CSMD1: variants seen among roughly 807,000 people sequenced by gnomAD.
CSMD1 encodes CUB and Sushi multiple domains 1, also known as CUB and sushi domain-containing protein 1.
In CSMD1, 213 loss-of-function variants were observed where a neutral mutation model predicts 417.5. That is an observed-to-expected ratio of 0.51 (90% CI 0.46 to 0.57). CSMD1 has a LOEUF of 0.57. Ranked by LOEUF, CSMD1 falls within the 20% of genes least tolerant of loss-of-function variation. CSMD1 has a pLI of 0.00. For missense variants in CSMD1, 6,923 were observed against 4,529.7 expected (o/e 1.53, Z -15.17); for synonymous variants, 2,862 against 1,736.8 (o/e 1.65, Z -16.11).
intron 5 of CSMD1, among the ~76,000 whole-genome samples, chr8:3,831,305 A>G (rs1208749432): frequency 2.6e-5 from 4 of 152,174 alleles, no homozygotes; most frequent in African/African-American, 9.7e-5. Context: ...GAGCTGTGGC[A>G]TGTTGCATTT....
chr8:3,425,927 T>A (rs1190178999), intron 12 of CSMD1, among the ~76,000 whole-genome samples: 1 of 152,126 alleles, frequency 6.6e-6, no homozygotes, highest in South Asian at 2.1e-4. Flanking sequence ...GGAATCTGCA[T>A]TGTATTTCCC....
At chr8:3,343,924 C>A (rs1471112335) in intron 22 of CSMD1, among the ~76,000 whole-genome samples, 1 of 152,146 alleles carries the variant, frequency 6.6e-6, no homozygotes, top group Non-Finnish European at 1.5e-5. Flanking sequence ...ACAAGATGTG[C>A]CGGAATCTTG....
intron 1 of CSMD1, among the ~76,000 whole-genome samples, chr8:4,810,318 C>A (rs946540520): frequency 2.0e-5 from 3 of 150,380 alleles, no homozygotes; most frequent in African/African-American, 7.5e-5. Context: ...TGTTCCTCAA[C>A]TTATTTTTCT....
chr8:3,773,653 T>C (rs1334752568), intron 5 of CSMD1, among the ~76,000 whole-genome samples: 1 of 152,184 alleles, frequency 6.6e-6, no homozygotes, highest in Non-Finnish European at 1.5e-5. Context: ...TATTCAATTT[T>C]GGCCTTATTC....
chr8:3,306,192 T>A (rs968701609), intron 25 of CSMD1, among the ~76,000 whole-genome samples: 1 of 152,246 alleles, frequency 6.6e-6, no homozygotes, highest in South Asian at 2.1e-4. Context: ...GATATCTATG[T>A]GTAATACACA....
chr8:3,822,012 T>C (rs1229940449), intron 5 of CSMD1, among the ~76,000 whole-genome samples: 2 of 152,200 alleles, frequency 1.3e-5, no homozygotes, highest in Non-Finnish European at 2.9e-5. Flanking sequence ...AACTTCTGCA[T>C]CACAGTTCCT....
chr8:4,006,222 T>C (rs1030660810), intron 4 of CSMD1, among the ~76,000 whole-genome samples: 1 of 152,132 alleles, frequency 6.6e-6, no homozygotes, highest in Non-Finnish European at 1.5e-5. Flanking sequence ...GACAGAAATA[T>C]ATTGACTTTG....
chr8:4,243,137 T>C (rs915502673), intron 3 of CSMD1, among the ~76,000 whole-genome samples: 2 of 151,830 alleles, frequency 1.3e-5, no homozygotes, highest in Non-Finnish European at 2.9e-5. Flanking sequence ...AATTGAGCAG[T>C]TGGAAAAAGG....
chr8:4,920,985 A>G (rs1211057654), intron 1 of CSMD1, among the ~76,000 whole-genome samples: 5 of 59,324 alleles, frequency 8.4e-5, no homozygotes, highest in African/African-American at 3.3e-4. Context: ...AAAGAAACAA[A>G]GAAAGAAAGA....
intron 7 of CSMD1, among the ~76,000 whole-genome samples, chr8:3,632,876 G>A (rs1013453587): frequency 6.6e-6 from 1 of 152,138 alleles, no homozygotes; most frequent in African/African-American, 2.4e-5. Flanking sequence ...TTTTAAGAAG[G>A]AAGTTCTCTG....
At chr8:3,477,135 G>A (rs35846215) in intron 11 of CSMD1, among the ~76,000 whole-genome samples, 93,135 of 151,990 alleles carry the variant, frequency 0.61, 29,273 homozygotes, top group Middle Eastern at 0.74. Context: ...AATTTGTTCA[G>A]ACCTGAAGAA....
intron 23 of CSMD1, among the ~76,000 whole-genome samples, chr8:3,341,337 A>G (rs1384081476): frequency 6.6e-6 from 1 of 152,206 alleles, no homozygotes; most frequent in Non-Finnish European, 1.5e-5. Context: ...GTATCCCTAC[A>G]TTGATTCCAA....
At chr8:4,593,688 T>G (rs1800108372) in intron 2 of CSMD1, among the ~76,000 whole-genome samples, 1 of 152,194 alleles carries the variant, frequency 6.6e-6, no homozygotes, top group Non-Finnish European at 1.5e-5. Flanking sequence ...ACTACTTCCA[T>G]GTAATAAGCA....
At position 4,051,624 on chromosome 8, in the gene CSMD1, T is replaced by C. The variant is rs180942150; in HGVS notation, c.416-19525A>G. On this transcript the variant is annotated intron_variant, in intron 3 of 69. Coordinates refer to ENST00000635120, the MANE Select transcript of CSMD1 (RefSeq NM_033225.6). Reference sequence around the variant, plus strand: ...GCACAGCGGGGCTTGTAGGTTTCTGTGGGGCCCTAGAAAACTATGATAAAA... The same window carrying C: ...GCACAGCGGGGCTTGTAGGTTTCTGCGGGGCCCTAGAAAACTATGATAAAA... Among the ~76,000 whole-genome samples the C allele has an allele frequency of 1.3e-3, 196 of 152,272 alleles. 1 individual carries two copies. Among genetic ancestry groups the C allele is most frequent in the African/African-American group, 4.6e-3 (190 of 41,556 alleles).
chr8:4,976,137 C>A (rs114424744), intron 1 of CSMD1, among the ~76,000 whole-genome samples: 78 of 152,248 alleles, frequency 5.1e-4, no homozygotes, highest in Middle Eastern at 3.4e-3. Context: ...AAGGGAAGAA[C>A]AGACACTGGA....
At chr8:4,500,810 G>A (rs539437067) in intron 2 of CSMD1, among the ~76,000 whole-genome samples, 28 of 152,194 alleles carry the variant, frequency 1.8e-4, no homozygotes, top group African/African-American at 6.3e-4. Flanking sequence ...GTTGACTTAC[G>A]GAAAACATGG....
chr8:3,362,561 A>C (rs759093377), intron 20 of CSMD1, among the ~76,000 whole-genome samples: 1 of 152,200 alleles, frequency 6.6e-6, no homozygotes, highest in Non-Finnish European at 1.5e-5. Context: ...ATGTGTTGAA[A>C]TTAATTCTAT....
At chr8:3,799,284 A>G (rs965149506) in intron 5 of CSMD1, among the ~76,000 whole-genome samples, 5 of 151,688 alleles carry the variant, frequency 3.3e-5, no homozygotes, top group East Asian at 1.9e-4. Flanking sequence ...TCTAGGGTAC[A>G]TGTGCACAAT....
intron 7 of CSMD1, among the ~76,000 whole-genome samples, chr8:3,649,316 C>A (rs375340777): frequency 2.0e-5 from 3 of 152,180 alleles, no homozygotes; most frequent in African/African-American, 7.2e-5. Flanking sequence ...TCTTACAAAT[C>A]TACCTGCATT....
Sources: gnomAD v4.1 joint callset for allele counts (sites outside exome capture counted in the v4.1 genomes callset) on GRCh38, gnomAD v4.1.1 for gene constraint, MANE v1.5 for transcripts, NCBI Gene and HGNC (gene_info 2026-07-23, HGNC 2026-07-21) for gene names.